Variants in SVEP1 observed in about 807,000 individuals in gnomAD.
SVEP1 encodes sushi, von Willebrand factor type A, EGF and pentraxin domain-containing protein 1.
In SVEP1, 164 loss-of-function variants were observed where a neutral mutation model predicts 367.3. The ratio of observed to expected loss-of-function variants is 0.45; its 90% CI spans 0.39 to 0.51. The LOEUF (loss-of-function observed/expected upper bound fraction) is 0.51, where lower values mean the gene tolerates loss of function less well. Ranked by LOEUF, SVEP1 falls within the 20% of genes least tolerant of loss-of-function variation. The pLI is 0.00. For synonymous variants in SVEP1, 1,666 were observed against 1,611.6 expected, an observed-to-expected ratio of 1.03 and a Z score of -0.81; for missense variants, 4,117 against 4,425.3, an observed-to-expected ratio of 0.93 and a Z score of 1.98.
intron 25 of SVEP1, 137 bp from the exon 26 acceptor site, chr9:110,446,175 A>G (rs1828595098): frequency 1.4e-6 from 1 of 735,430 alleles, no homozygotes; most frequent in Non-Finnish European, 2.2e-6. Flanking sequence ...AATTAAATAC[A>G]TATTATTTAC....
chr9:110,575,041 G>T (rs1415028404), intron 1 of SVEP1, among the ~76,000 whole-genome samples: 1 of 152,130 alleles, frequency 6.6e-6, no homozygotes, highest in East Asian at 1.9e-4. Flanking sequence ...CACCGCGCCT[G>T]GCCGAGTCCA....
chr9:110,451,785 T>C (rs1828697579), intron 22 of SVEP1, among the ~76,000 whole-genome samples: 2 of 152,150 alleles, frequency 1.3e-5, no homozygotes, highest in South Asian at 2.1e-4. Flanking sequence ...TTGGCAAAAA[T>C]TATGGGAGAA....
rs146436008 is a variant in SVEP1 at position 110,506,123 on chromosome 9, C to T, written c.1304-2906G>A. 8.3e-3 allele frequency among the ~76,000 whole-genome samples: 1,258 copies of T among 152,256 alleles called. 21 individuals are homozygous for T. Among genetic ancestry groups the T allele is most frequent in the African/African-American group, 0.028 (1,166 of 41,532 alleles). On this transcript the variant is annotated intron_variant, in intron 5 of 47. Coordinates refer to ENST00000374469, the MANE Select transcript of SVEP1 (RefSeq NM_153366.4). ...TGAGAATGATGGTTTCCAGCTTCAT[C>T]CATGTCCCTGCAAAGGACATGAACT...
intron 41 of SVEP1, among the ~76,000 whole-genome samples, 166 bp downstream of exon 41, chr9:110,389,358 A>G (rs1827587643): frequency 6.6e-6 from 1 of 152,120 alleles, no homozygotes; most frequent in Non-Finnish European, 1.5e-5. Context: ...TGACCCTTTT[A>G]TTGGTTTACT....
At chr9:110,535,969 C>T (rs1450863861) in intron 3 of SVEP1, among the ~76,000 whole-genome samples, 2 of 151,940 alleles carry the variant, frequency 1.3e-5, no homozygotes, top group Non-Finnish European at 2.9e-5. Flanking sequence ...TTTCTGTTGC[C>T]TGAATGCCCT....
chr9:110,528,977 A>G (rs980471199), intron 3 of SVEP1, among the ~76,000 whole-genome samples: 15 of 151,902 alleles, frequency 9.9e-5, no homozygotes, highest in Non-Finnish European at 2.1e-4. Context: ...AGTTTTTCCT[A>G]GGTTTAGTTG....
intron 5 of SVEP1, among the ~76,000 whole-genome samples, chr9:110,509,335 C>T (rs1829674246): frequency 6.6e-6 from 1 of 152,180 alleles, no homozygotes. Flanking sequence ...TAACTAAATA[C>T]ACTGAGCATT....
intron 1 of SVEP1, among the ~76,000 whole-genome samples, chr9:110,577,426 T>C (rs1273067144): frequency 6.6e-6 from 1 of 152,110 alleles, no homozygotes; most frequent in Non-Finnish European, 1.5e-5. Context: ...GGACAACTGG[T>C]TAACTATTTA....
intron 3 of SVEP1, among the ~76,000 whole-genome samples, chr9:110,537,367 A>G (rs1830092058): frequency 6.6e-6 from 1 of 152,054 alleles, no homozygotes; most frequent in Admixed American, 6.6e-5. Context: ...AATTTTCAAT[A>G]GTATTTTTAT....
intron 45 of SVEP1, 27 bp from the exon 46 acceptor site, chr9:110,375,490 A>AAAAAT (rs1827338377): frequency 6.7e-6 from 9 of 1,338,818 alleles, no homozygotes; most frequent in East Asian, 2.7e-5. Flanking sequence ...AAAAAAAAAA[A>AAAAAT]GGAGGCAGGG....
chr9:110,565,879 C>T (rs547064069), intron 1 of SVEP1, among the ~76,000 whole-genome samples: 55 of 152,138 alleles, frequency 3.6e-4, no homozygotes, highest in Middle Eastern at 6.8e-3. Flanking sequence ...AGAGGTAGTT[C>T]TGCATGGTGG....
At chr9:110,454,756 T>G (rs374937673) in intron 22 of SVEP1, among the ~76,000 whole-genome samples, 4 of 152,238 alleles carry the variant, frequency 2.6e-5, no homozygotes, top group African/African-American at 9.6e-5. Context: ...GAGCTAAACA[T>G]TGAGTACACA....
chr9:110,472,223 G>T lies in SVEP1; in HGVS notation c.2700C>A (p.Ser900=), dbSNP rs763172349. 6.2e-7 allele frequency: 1 copy of T among 1,613,554 alleles called. No individual in the cohort carries two copies. Among genetic ancestry groups the T allele is most frequent in the Non-Finnish European group, 8.5e-7 (1 of 1,179,770 alleles). ...ETATSIGNAK[S]SRIKRSAPLS... is the part of the protein sequence containing the mutation. ...ATGGGGCACTTCTTTTAATCCGTGA[G>T]GACTTGGCATTGCCGATGCTTGTGG... Residue 900 remains serine (S), a synonymous_variant, in exon 15 of 48, where the codon TCC becomes TCA. Coordinates refer to ENST00000374469, the MANE Select transcript of SVEP1 (RefSeq NM_153366.4).
rs1308205146 is a variant in SVEP1, at chr9:110,438,732, C to T, written c.4640-2228G>A. Among the ~76,000 whole-genome samples the T allele has an allele frequency of 9.9e-5, 15 of 152,122 alleles. No homozygotes were observed. The East Asian group carries it at 2.7e-3, about 27-fold the overall frequency. On this transcript the variant is annotated intron_variant, in intron 27 of 47. Transcript: ENST00000374469. ...TGATGGTTGCAGGCAAAGAATTTCT[C>T]TAAGGCTTTTGATACGAGTTTCTAA...
chr9:110,377,350 T>C lies in SVEP1; in HGVS notation c.10425A>G (p.Pro3475=), dbSNP rs573709228. 1.2e-5 allele frequency: 19 copies of C among 1,613,738 alleles called. No individual in the cohort carries two copies. The South Asian group carries it at 1.6e-4, about 14-fold the overall frequency. Reference sequence around the variant, plus strand: ...GTTGGCAGATGCCCCCATTCTGACATGGAAATCGACAGACAGCTGGAAAAG... The same window carrying C: ...GTTGGCAGATGCCCCCATTCTGACACGGAAATCGACAGACAGCTGGAAAAG... ...PPICRAVCRF[P]CQNGGICQRP... The change falls in exon 45 of 48, where the codon CCA becomes CCG. Residue 3475 remains proline (P), a synonymous_variant. Transcript: ENST00000374469.
In SVEP1 at chr9:110,497,047, C is replaced by T. The variant is rs148740874; in HGVS notation, c.1682-114G>A. On this transcript the variant is annotated intron_variant, in intron 7 of 47. Coordinates refer to ENST00000374469, the MANE Select transcript of SVEP1 (RefSeq NM_153366.4). The stretch of plus-strand genomic sequence containing the variant: ...TACACTGTGACACATTTGTACATCC[C>T]AGTTACTGATTGTTCGGAATCTGCA... 145 of 633,126 alleles carry T rather than the reference C, an allele frequency of 2.3e-4. No homozygotes were observed. The African/African-American group carries it at 2.5e-3, about 11-fold the overall frequency. 39.2% of individuals were successfully genotyped at this position (633,126 alleles called of 1,614,324 possible).
rs141749082 is a variant in SVEP1, at chr9:110,550,767, T to A, written c.532-663A>T. 8.0e-3 allele frequency among the ~76,000 whole-genome samples: 1,212 copies of A among 152,338 alleles called. 44 individuals carry two copies. Among genetic ancestry groups the A allele is most frequent in the Admixed American group, 0.055 (846 of 15,300 alleles). ...TATCCAGAAATACTGATTCACTAAA[T>A]CTGACACTGGGACTTTATTATTTTA... On this transcript the variant is annotated intron_variant, in intron 1 of 47. Transcript: ENST00000374469.
chr9:110,448,171 T>TCC (rs557320266), intron 24 of SVEP1, among the ~76,000 whole-genome samples: 1 of 134,504 alleles, frequency 7.4e-6, no homozygotes, highest in East Asian at 2.3e-4. Context: ...GTGCGCGCGC[T>TCC]CGCGCGTGTG....
At chr9:110,578,865 C>T (rs1202160348) in intron 1 of SVEP1, 148 bp downstream of exon 1, 2 of 852,094 alleles carry the variant, frequency 2.3e-6, no homozygotes, top group Admixed American at 2.9e-5. Context: ...AGGCGGGTAG[C>T]GATGACTCTG....
Sources: gnomAD v4.1 joint callset for allele counts (sites outside exome capture counted in the v4.1 genomes callset) on GRCh38, gnomAD v4.1.1 for gene constraint, MANE v1.5 for transcripts, NCBI Gene and HGNC (gene_info 2026-07-23, HGNC 2026-07-21) for gene names.